Variants in HEATR1 observed in about 807,000 individuals in gnomAD.
The protein encoded by HEATR1 is HEAT repeat-containing protein 1.
Under a neutral mutation model 248.2 loss-of-function variants are expected in HEATR1, and 77 were observed. The ratio of observed to expected loss-of-function variants is 0.31; its 90% CI spans 0.26 to 0.37. The LOEUF is 0.37. Ranked by LOEUF, HEATR1 falls within the 10% of genes least tolerant of loss-of-function variation. HEATR1 has a pLI of 1.00. For missense variants in HEATR1, 2,420 were observed against 2,504.9 expected, an observed-to-expected ratio of 0.97 and a Z score of 0.72; for synonymous variants, 897 against 923.1, an observed-to-expected ratio of 0.97 and a Z score of 0.51.
chr1:236,554,832 T>C, intron 41 of HEATR1, 80 bp from the exon 42 acceptor site: 1 of 1,228,364 alleles, frequency 8.1e-7, no homozygotes, highest in South Asian at 1.5e-5. Context: ...GAAATCACTA[T>C]TAAAATAACT....
rs958912365 is a variant in HEATR1 at position 236,566,578 on chromosome 1, C to G, written c.4308+68G>C. On this transcript the variant is annotated intron_variant, in intron 30 of 44. Coordinates refer to ENST00000366582, the MANE Select transcript of HEATR1 (RefSeq NM_018072.6). ...AGGCATCATCAGCCCCATGTTTAAACTGGACAATATCATAAAATCTGTGTG... is the reference window on the plus strand; with the variant it reads ...AGGCATCATCAGCCCCATGTTTAAAGTGGACAATATCATAAAATCTGTGTG... The G allele has an allele frequency of 7.8e-6, 9 of 1,160,226 alleles. No homozygotes were observed. The Admixed American group carries it at 1.8e-4, about 23-fold the overall frequency. The allele number at this position is 1,160,226 out of a possible 1,614,324, so 71.9% of individuals were successfully genotyped here. A position where few individuals can be genotyped will look rare whatever the true frequency, so the allele number is the denominator to read the frequency against.
intron 22 of HEATR1, 96 bp from the exon 23 acceptor site, chr1:236,574,999 T>G: frequency 8.1e-7 from 1 of 1,237,414 alleles, no homozygotes; most frequent in East Asian, 2.4e-5. Context: ...AAGATGGGAG[T>G]TTAGCCTGGA....
At chr1:236,603,894 A>T in intron 2 of HEATR1, 60 bp downstream of exon 2, 2 of 1,556,506 alleles carry the variant, frequency 1.3e-6, no homozygotes, top group Non-Finnish European at 1.7e-6. Flanking sequence ...AAAAAAAAAA[A>T]CAGTAACATC....
chr1:236,586,548 T>C (rs1663891122), intron 14 of HEATR1, 96 bp from the exon 15 acceptor site: 4 of 759,952 alleles, frequency 5.3e-6, no homozygotes. Flanking sequence ...TAACTGACAA[T>C]ATCCTGGTCT....
intron 8 of HEATR1, among the ~76,000 whole-genome samples, chr1:236,594,867 A>G (rs1276451550): frequency 2.0e-5 from 3 of 152,110 alleles, no homozygotes; most frequent in Non-Finnish European, 2.9e-5. Flanking sequence ...GCACAAACAC[A>G]GTTCCCTGTA....
chr1:236,582,409 CT>C (rs200940042), intron 19 of HEATR1, among the ~76,000 whole-genome samples: 18 of 138,494 alleles, frequency 1.3e-4, no homozygotes, highest in African/African-American at 2.3e-4. Context: ...CCCAGCCCAT[CT>C]TTTTTTTTTG....
At position 236,581,848 on chromosome 1, in the gene HEATR1, T is replaced by C. The variant is rs1304773392; in HGVS notation, c.2563-434A>G. 2.6e-5 allele frequency among the ~76,000 whole-genome samples: 4 copies of C among 152,300 alleles called. No homozygotes were observed. The East Asian group carries it at 5.8e-4, about 22-fold the overall frequency. On this transcript the variant is annotated intron_variant, in intron 19 of 44. Transcript: ENST00000366582. ...CTTCACGTGTGCTAAATAACCTCTC[T>C]GAACACCAGTATTCACATTTTTAAA... is the stretch of plus-strand genomic sequence containing the variant.
Position 236,576,761 on chromosome 1 carries a change from T to C in HEATR1, c.2925+19A>G. ...ACAGAGGCATGAACACACTCAATCT[T>C]CTTTGCTAACGAGCTTACCTGAATA... On this transcript the variant is annotated intron_variant, in intron 21 of 44. Transcript: ENST00000366582. The C allele has an allele frequency of 6.3e-7, 1 of 1,598,266 alleles. No homozygotes were observed. Among genetic ancestry groups the C allele is most frequent in the Non-Finnish European group, 8.5e-7 (1 of 1,171,742 alleles).
chr1:236,577,034 T>C, intron 20 of HEATR1, 85 bp from the exon 21 acceptor site: 2 of 1,067,298 alleles, frequency 1.9e-6, no homozygotes, highest in Admixed American at 2.7e-5. Context: ...AGGTACTTGA[T>C]AAAAAGTTTC....
At chr1:236,569,617 G>T (rs893965083) in intron 28 of HEATR1, among the ~76,000 whole-genome samples, 2 of 152,116 alleles carry the variant, frequency 1.3e-5, no homozygotes, top group African/African-American at 2.4e-5. Flanking sequence ...CTAGAATGGC[G>T]ATAAAAAAGA....
At chr1:236,570,399 TGA>T (rs1181098755) in intron 28 of HEATR1, among the ~76,000 whole-genome samples, 1 of 152,156 alleles carries the variant, frequency 6.6e-6, no homozygotes, top group Non-Finnish European at 1.5e-5. Context: ...ATAGGCAGAT[TGA>T]GAGAGACAGA....
At chr1:236,555,997 G>A (rs958722703) in intron 38 of HEATR1, 58 bp from the exon 39 acceptor site, 60 of 1,605,504 alleles carry the variant, frequency 3.7e-5, no homozygotes, top group Non-Finnish European at 4.9e-5. Flanking sequence ...GAGTTCAGCG[G>A]TGTGTATTTT....
intron 32 of HEATR1, among the ~76,000 whole-genome samples, chr1:236,563,199 A>C (rs370617447): frequency 1.3e-5 from 2 of 152,222 alleles, no homozygotes; most frequent in African/African-American, 4.8e-5. Context: ...TATAAACCAC[A>C]AGCTTCAGAT....
chr1:236,554,478 C>A, intron 42 of HEATR1, 120 bp downstream of exon 42: 4 of 834,062 alleles, frequency 4.8e-6, no homozygotes, highest in East Asian at 2.7e-5. Context: ...TTAAAAAGAC[C>A]AGAAAAAACA....
chr1:236,576,691 C>A, intron 21 of HEATR1, 89 bp downstream of exon 21: 1 of 1,227,026 alleles, frequency 8.1e-7, no homozygotes, highest in South Asian at 1.6e-5. Context: ...CCATCAAAAT[C>A]CCTACACAGT....
intron 4 of HEATR1, 44 bp from the exon 5 acceptor site, chr1:236,598,023 C>G: frequency 8.0e-7 from 1 of 1,244,184 alleles, no homozygotes; most frequent in Non-Finnish European, 1.2e-6. Context: ...CATTCATCAA[C>G]TGATCCTTAT....
chr1:236,558,655 A>C lies in HEATR1; in HGVS notation c.4912-126T>G, dbSNP rs916553462. ...CTCGGGGGTCCTGAGTCACACAGTC[A>C]TGCTAAGCGATGTGCATGTTCTAGC... On this transcript the variant is annotated intron_variant, in intron 35 of 44. Transcript: ENST00000366582. The C allele has an allele frequency of 6.7e-6, 6 of 893,128 alleles. No individual in the cohort carries two copies. The Admixed American group carries it at 1.4e-4, about 21-fold the overall frequency. The allele number at this position is 893,128 out of a possible 1,614,324, so 55.3% of individuals were successfully genotyped here.
chr1:236,568,974 C>A (rs778011008), intron 29 of HEATR1, 22 bp downstream of exon 29: 128 of 1,442,340 alleles, frequency 8.9e-5, no homozygotes, highest in Middle Eastern at 5.5e-4. Context: ...AGAAACCCCA[C>A]GATGGTATAA....
chr1:236,585,779 GAGAA>G, intron 16 of HEATR1, 37 bp downstream of exon 16: 1 of 1,594,720 alleles, frequency 6.3e-7, no homozygotes, highest in Non-Finnish European at 8.5e-7. Context: ...ATAAGAGTAT[GAGAA>G]AGAAATCCAG....
Sources: allele counts gnomAD v4.1 joint callset (sites outside exome capture counted in the v4.1 genomes callset), GRCh38; gene constraint gnomAD v4.1.1; transcripts MANE v1.5; gene names NCBI Gene and HGNC (gene_info 2026-07-23, HGNC 2026-07-21).